Variants in GFRAL observed in about 807,000 individuals in gnomAD.
The protein encoded by GFRAL is GDNF family receptor alpha like, also known as GDNF family receptor alpha-like.
In GFRAL, 36 loss-of-function variants were observed where a neutral mutation model predicts 45.4. The observed-to-expected ratio is 0.79, with a 90% confidence interval of 0.61 to 1.05. The LOEUF (loss-of-function observed/expected upper bound fraction) is 1.05. Among genes scored for constraint, GFRAL ranks in the 50% least tolerant of loss-of-function variants. The pLI is 0.00. For missense variants in GFRAL, 507 were observed against 467.5 expected (o/e 1.08, Z -0.78); for synonymous variants, 166 against 154.1 (o/e 1.08, Z -0.57).
At chr6:55,346,397 T>C (rs1354115456) in intron 3 of GFRAL, among the ~76,000 whole-genome samples, 1 of 152,106 alleles carries the variant, frequency 6.6e-6, no homozygotes, top group Non-Finnish European at 1.5e-5. Context: ...TGTAGGGACA[T>C]GGATGAAGCT....
chr6:55,341,314 G>C (rs7761953), intron 3 of GFRAL, among the ~76,000 whole-genome samples: 148,649 of 152,292 alleles, frequency 0.98, 72,656 homozygotes, highest in East Asian at 1. Flanking sequence ...GGGTACCCCT[G>C]TGAGACGAAG....
intron 4 of GFRAL, 113 bp downstream of exon 4, chr6:55,350,258 C>A: frequency 1.5e-6 from 1 of 657,560 alleles, no homozygotes; most frequent in Non-Finnish European, 2.7e-6. Context: ...TGTGGTTTAA[C>A]AGTTCTAATA....
chr6:55,365,025 TGGGCAG>T (rs1768339776), intron 6 of GFRAL, among the ~76,000 whole-genome samples: 2 of 149,546 alleles, frequency 1.3e-5, no homozygotes, highest in African/African-American at 2.5e-5. Flanking sequence ...TAAATTACCT[TGGGCAG>T]TATGGCCATT....
At chr6:55,343,740 C>G (rs924146930) in intron 3 of GFRAL, among the ~76,000 whole-genome samples, 2 of 152,114 alleles carry the variant, frequency 1.3e-5, no homozygotes, top group African/African-American at 4.8e-5. Flanking sequence ...AATCCAGTAA[C>G]TGGTTTTTTG....
intron 4 of GFRAL, 46 bp downstream of exon 4, chr6:55,350,191 A>G (rs773501745): frequency 2.7e-6 from 3 of 1,101,570 alleles, no homozygotes; most frequent in Non-Finnish European, 4.2e-6. Context: ...CAAATACCTG[A>G]TAATATAAAA....
At chr6:55,332,185 A>G (rs1046356812) in intron 2 of GFRAL, among the ~76,000 whole-genome samples, 1 of 152,130 alleles carries the variant, frequency 6.6e-6, no homozygotes, top group Admixed American at 6.5e-5. Context: ...TTGATTACAT[A>G]TGTCAATGAT....
chr6:55,331,236 C>T (rs190571070), intron 1 of GFRAL, among the ~76,000 whole-genome samples: 54 of 152,040 alleles, frequency 3.6e-4, no homozygotes, highest in Admixed American at 2.4e-3. Flanking sequence ...TTATACTTTA[C>T]TAGAAGAATA....
chr6:55,341,230 G>T (rs1767960180), intron 3 of GFRAL, among the ~76,000 whole-genome samples: 1 of 152,212 alleles, frequency 6.6e-6, no homozygotes, highest in South Asian at 2.1e-4. Flanking sequence ...GCCTTCTCAA[G>T]TGGGTCCCTG....
rs9464233 is a variant in GFRAL at position 55,362,999 on chromosome 6, G to A, written c.952+3861G>A. 9.1e-3 allele frequency among the ~76,000 whole-genome samples: 1,371 copies of A among 150,880 alleles called. 18 individuals are homozygous for A. Among genetic ancestry groups the A allele is most frequent in the African/African-American group, 0.032 (1,315 of 41,106 alleles). On this transcript the variant is annotated intron_variant, in intron 6 of 8. Transcript: ENST00000340465. Reference sequence around the variant, plus strand: ...GGGGAGGAAGAAGAGGAAACAGGAAGGAGGAAAAGAACAAGGAGAAGAAGT... The same window carrying A: ...GGGGAGGAAGAAGAGGAAACAGGAAAGAGGAAAAGAACAAGGAGAAGAAGT...
intron 3 of GFRAL, among the ~76,000 whole-genome samples, chr6:55,339,071 G>A (rs943300837): frequency 3.9e-5 from 6 of 152,098 alleles, no homozygotes; most frequent in African/African-American, 1.4e-4. Flanking sequence ...TAAGGCACCG[G>A]TCCTGAGAAT....
chr6:55,370,768 A>C lies in GFRAL; in HGVS notation c.952+11630A>C, dbSNP rs546491036. ...ATGTAGTTACATAGGCCCTGTGCTCAGAAGAATCCCAGATCTGGGGTTTAA... is the reference window on the plus strand; with the variant it reads ...ATGTAGTTACATAGGCCCTGTGCTCCGAAGAATCCCAGATCTGGGGTTTAA... On this transcript the variant is annotated intron_variant, in intron 6 of 8. Coordinates refer to ENST00000340465, the MANE Select transcript of GFRAL (RefSeq NM_207410.2). Among the ~76,000 whole-genome samples, 4 of 152,350 alleles carry C rather than the reference A, an allele frequency of 2.6e-5. No individual in the cohort carries two copies. In the East Asian group the frequency reaches 7.7e-4, roughly 29 times the overall value.
At chr6:55,352,811 T>C (rs1203257344) in intron 5 of GFRAL, among the ~76,000 whole-genome samples, 2 of 151,934 alleles carry the variant, frequency 1.3e-5, no homozygotes, top group Non-Finnish European at 2.9e-5. Flanking sequence ...CTTTAATTAT[T>C]GGGGGAGTAA....
At chr6:55,353,112 G>A (rs907451380) in intron 5 of GFRAL, among the ~76,000 whole-genome samples, 2 of 152,088 alleles carry the variant, frequency 1.3e-5, no homozygotes, top group Admixed American at 6.6e-5. Context: ...AAATAGGAGC[G>A]AGATAAGAGA....
chr6:55,354,773 C>T (rs535639521), intron 5 of GFRAL, among the ~76,000 whole-genome samples: 2 of 152,038 alleles, frequency 1.3e-5, no homozygotes, highest in South Asian at 4.2e-4. Context: ...GCAGAAGAGC[C>T]TGTACATAGG....
chr6:55,328,928 T>C (rs1451581773), intron 1 of GFRAL, among the ~76,000 whole-genome samples: 1 of 152,106 alleles, frequency 6.6e-6, no homozygotes, highest in Non-Finnish European at 1.5e-5. Context: ...GGAAAATGTC[T>C]GTTGGTAAAG....
intron 5 of GFRAL, among the ~76,000 whole-genome samples, chr6:55,357,559 T>C (rs1768211685): frequency 6.6e-6 from 1 of 151,828 alleles, no homozygotes; most frequent in Non-Finnish European, 1.5e-5. Flanking sequence ...TGTTTCTTTA[T>C]AGATGATGTA....
intron 6 of GFRAL, among the ~76,000 whole-genome samples, chr6:55,396,865 C>A (rs968238381): frequency 6.8e-6 from 1 of 147,784 alleles, no homozygotes; most frequent in Non-Finnish European, 1.5e-5. Flanking sequence ...TGCATTCTAA[C>A]AAGGGGGAAG....
chr6:55,331,623 A>G, intron 1 of GFRAL, 92 bp from the exon 2 acceptor site: 1 of 1,169,448 alleles, frequency 8.6e-7, no homozygotes, highest in African/African-American at 1.6e-5. Flanking sequence ...GTTATTTTCC[A>G]TAATTCTGCT....
chr6:55,391,706 T>C (rs1342449703), intron 6 of GFRAL, among the ~76,000 whole-genome samples: 1 of 152,152 alleles, frequency 6.6e-6, no homozygotes, highest in African/African-American at 2.4e-5. Flanking sequence ...AGTATGATTG[T>C]GTAACCTGGG....
Sources: gnomAD v4.1 joint callset for allele counts (sites outside exome capture counted in the v4.1 genomes callset) on GRCh38, gnomAD v4.1.1 for gene constraint, MANE v1.5 for transcripts, NCBI Gene and HGNC (gene_info 2026-07-23, HGNC 2026-07-21) for gene names.